PTPRQ: variants seen among roughly 807,000 people sequenced by gnomAD.
PTPRQ encodes the protein protein tyrosine phosphatase receptor type Q, also known as phosphatidylinositol phosphatase PTPRQ.
In PTPRQ, 199 loss-of-function variants were observed where a neutral mutation model predicts 246.0. That is an observed-to-expected ratio of 0.81 (90% CI 0.72 to 0.91). The LOEUF (loss-of-function observed/expected upper bound fraction) is 0.91, where lower values mean the gene tolerates loss of function less well. Ranked by LOEUF, PTPRQ falls within the 40% of genes least tolerant of loss-of-function variation. The pLI is 0.00. For synonymous variants in PTPRQ, 869 were observed against 853.2 expected, an observed-to-expected ratio of 1.02 and a Z score of -0.32; for missense variants, 2,624 against 2,528.4, an observed-to-expected ratio of 1.04 and a Z score of -0.81.
At position 80,570,203 on chromosome 12, in the gene PTPRQ, T is replaced by C. The variant is rs1214365282; in HGVS notation, c.4286-17926T>C. The stretch of plus-strand genomic sequence containing the variant: ...AACTAATTTACACTCCTACGAACAG[T>C]ATAAAAGTGTTCCTGTTTCTCCACA... On this transcript the variant is annotated intron_variant, in intron 25 of 44. Transcript: ENST00000644991. Among the ~76,000 whole-genome samples the C allele has an allele frequency of 2.6e-5, 4 of 152,232 alleles. No homozygotes were observed. The East Asian group carries it at 7.7e-4, about 29-fold the overall frequency.
chr12:80,475,175 TA>T (rs1893771376), intron 8 of PTPRQ, among the ~76,000 whole-genome samples: 2 of 152,268 alleles, frequency 1.3e-5, no homozygotes, highest in Middle Eastern at 6.8e-3. Context: ...TATATTTTAA[TA>T]AATCATATGC....
Position 80,678,678 on chromosome 12 carries a change from T to C in PTPRQ, c.6815T>C (p.Val2272Ala). 2 of 1,550,472 alleles carry C rather than the reference T, an allele frequency of 1.3e-6. No homozygotes were observed. Among genetic ancestry groups the C allele is most frequent in the South Asian group, 1.2e-5 (1 of 83,938 alleles). Residue 2272 changes from valine to alanine, a missense_variant, in exon 44 of 45, where the codon GTT becomes GCT. Coordinates refer to ENST00000644991, the MANE Select transcript of PTPRQ (RefSeq NM_001145026.2). ...GGAAGTAATCAGCCCATCTGTTTTG[T>C]TAACTATTCAGCACTTCAGAAGATG... Reference protein sequence around the residue: ...NKGSNQPICFVNYSALQKMDS... With the variant: ...NKGSNQPICFANYSALQKMDS...
chr12:80,558,205 T>C (rs1387875471), intron 25 of PTPRQ, among the ~76,000 whole-genome samples: 1 of 149,968 alleles, frequency 6.7e-6, no homozygotes, highest in Non-Finnish European at 1.5e-5. Context: ...TCTTGCTTTG[T>C]CATCCAGTCT....
At chr12:80,606,639 C>A (rs1436943378) in intron 27 of PTPRQ, among the ~76,000 whole-genome samples, 1 of 150,882 alleles carries the variant, frequency 6.6e-6, no homozygotes, top group Non-Finnish European at 1.5e-5. Context: ...TGTCTCTTGA[C>A]CAACTTTATA....
chr12:80,579,095 C>T (rs1897358083), intron 25 of PTPRQ, among the ~76,000 whole-genome samples: 1 of 152,082 alleles, frequency 6.6e-6, no homozygotes, highest in South Asian at 2.1e-4. Flanking sequence ...TATTTTTAAC[C>T]TACCAGATCA....
At chr12:80,504,252 C>G (rs185383655) in intron 14 of PTPRQ, among the ~76,000 whole-genome samples, 45 of 151,848 alleles carry the variant, frequency 3.0e-4, no homozygotes, top group Non-Finnish European at 4.4e-4. Flanking sequence ...ATCCTTTTCA[C>G]TAAAGTTCTC....
intron 25 of PTPRQ, among the ~76,000 whole-genome samples, chr12:80,567,550 G>A (rs560819476): frequency 2.4e-4 from 37 of 152,222 alleles, no homozygotes; most frequent in African/African-American, 8.7e-4. Flanking sequence ...ACATAGATTA[G>A]TTTCACTTGT....
At position 80,495,996 on chromosome 12, in the gene PTPRQ, T is replaced by A. The variant is rs1035386569; in HGVS notation, c.1883-3T>A. On this transcript the variant is annotated splice_region_variant and splice_polypyrimidine_tract_variant and intron_variant, in intron 12 of 44. Transcript: ENST00000644991. ...TTAAACAGTTTGTCTCTTGTCCTTA[T>A]AGGGTTAAAGAAATACACAAAATAC... is the stretch of plus-strand genomic sequence containing the variant. 1.9e-5 allele frequency: 29 copies of A among 1,548,372 alleles called. No homozygotes were observed. Among genetic ancestry groups the A allele is most frequent in the Non-Finnish European group, 2.5e-5 (29 of 1,145,680 alleles).
chr12:80,628,069 T>A (rs1175718115), intron 33 of PTPRQ, among the ~76,000 whole-genome samples: 1 of 152,138 alleles, frequency 6.6e-6, no homozygotes. Flanking sequence ...CCCACTGAGT[T>A]CTAAGGCCCA....
rs1029816327 is a variant in PTPRQ, at chr12:80,588,133, C to T, written c.4290C>T (p.Pro1430=). 13 of 1,519,172 alleles carry T rather than the reference C, an allele frequency of 8.6e-6. No homozygotes were observed. The African/African-American group carries it at 9.8e-5, about 11-fold the overall frequency. 94.1% of individuals were successfully genotyped at this position (1,519,172 alleles called of 1,614,324 possible). The change falls in exon 26 of 45, where the codon CCC becomes CCT. Residue 1430 remains proline (P), a synonymous_variant. Transcript: ENST00000644991. ...ATTTTTCCCTTTAATTTTTAGTTCC[C>T]AGTGTTCCCACAAATATTGCTTTTT... ...CHVSTLPETV[P]SVPTNIAFSD...
intron 20 of PTPRQ, among the ~76,000 whole-genome samples, chr12:80,540,819 C>T (rs11114499): frequency 0.55 from 83,091 of 151,994 alleles, 27,394 homozygotes; most frequent in Non-Finnish European, 0.72. Context: ...CCATTTCAGG[C>T]ATTCTTTAAA....
At chr12:80,647,196 T>C (rs1900104848) in intron 35 of PTPRQ, among the ~76,000 whole-genome samples, 1 of 152,208 alleles carries the variant, frequency 6.6e-6, no homozygotes, top group South Asian at 2.1e-4. Context: ...GGTGGACTAC[T>C]AGCCTGTCAC....
Position 80,648,933 on chromosome 12 carries a change from T to C in PTPRQ, c.5942+10T>C. The C allele has an allele frequency of 1.3e-6, 2 of 1,504,200 alleles. No individual in the cohort carries two copies. The highest frequency in any genetic ancestry group is 2.7e-5 in the East Asian group (1 of 37,656). The allele number at this position is 1,504,200 out of a possible 1,614,324, so 93.2% of individuals were successfully genotyped here. On this transcript the variant is annotated intron_variant, in intron 36 of 44. Coordinates refer to ENST00000644991, the MANE Select transcript of PTPRQ (RefSeq NM_001145026.2). ...ATAGAAAATCCATCAAGTAAGTTTG[T>C]TAAATATTTTCTTTCTTCTTTTTGA...
At chr12:80,631,131 T>A (rs1023414488) in intron 33 of PTPRQ, among the ~76,000 whole-genome samples, 60 of 152,334 alleles carry the variant, frequency 3.9e-4, no homozygotes, top group African/African-American at 1.3e-3. Flanking sequence ...AAAATGTAGT[T>A]CAGATAAGAA....
At chr12:80,576,440 G>A (rs889204829) in intron 25 of PTPRQ, among the ~76,000 whole-genome samples, 3 of 151,480 alleles carry the variant, frequency 2.0e-5, no homozygotes, top group East Asian at 1.9e-4. Flanking sequence ...CATGCCTGGC[G>A]AGCCAGTTTT....
Position 80,534,129 on chromosome 12 carries a change from T to C in PTPRQ, c.2793T>C (p.Asp931=), listed in dbSNP as rs908990218. ...TAACAGCTAGCACCAGATTTGGTGA[T>C]GGGAAAACAAGAAGCAATATCATTA... is the stretch of plus-strand genomic sequence containing the variant. ...AYVTASTRFG[D]GKTRSNIISF... is the part of the protein sequence containing the mutation. The change falls in exon 18 of 45, where the codon GAT becomes GAC. Residue 931 remains aspartate (D), a synonymous_variant. Coordinates refer to ENST00000644991, the MANE Select transcript of PTPRQ (RefSeq NM_001145026.2). 1 of 1,542,398 alleles carries C rather than the reference T, an allele frequency of 6.5e-7. No homozygotes were observed. The highest frequency in any genetic ancestry group is 8.7e-7 in the Non-Finnish European group (1 of 1,142,870).
intron 23 of PTPRQ, among the ~76,000 whole-genome samples, chr12:80,544,035 T>C (rs1896231885): frequency 6.6e-6 from 1 of 152,106 alleles, no homozygotes; most frequent in Non-Finnish European, 1.5e-5. Flanking sequence ...TAGAGTGTGG[T>C]TGTCTATATA....
rs139081746 is a variant in PTPRQ, at chr12:80,601,514, G to A, written c.4610-3545G>A. Among the ~76,000 whole-genome samples the A allele has an allele frequency of 5.3e-5, 8 of 151,838 alleles. No individual in the cohort carries two copies. In the East Asian group the frequency reaches 1.6e-3, roughly 30 times the overall value. ...ATGAATGCATAAATTTATTCTCAAG[G>A]CCAACTAAACATTTGGTTATAATAA... On this transcript the variant is annotated intron_variant, in intron 26 of 44. Transcript: ENST00000644991.
rs1565851296 is a variant in PTPRQ, at chr12:80,669,475, A to G, written c.6453+11A>G. 6.5e-7 allele frequency: 1 copy of G among 1,537,100 alleles called. No individual in the cohort carries two copies. Among genetic ancestry groups the G allele is most frequent in the South Asian group, 1.2e-5 (1 of 80,510 alleles). On this transcript the variant is annotated intron_variant, in intron 41 of 44. Coordinates refer to ENST00000644991, the MANE Select transcript of PTPRQ (RefSeq NM_001145026.2). ...CTGAAAATTGAAAGGGTAAAAAAAAAAGGGGGGGACGAGAGAACATGATAT... is the reference window on the plus strand; with the variant it reads ...CTGAAAATTGAAAGGGTAAAAAAAAGAGGGGGGGACGAGAGAACATGATAT...
Sources: allele counts gnomAD v4.1 joint callset (sites outside exome capture counted in the v4.1 genomes callset), GRCh38; gene constraint gnomAD v4.1.1; transcripts MANE v1.5; gene names NCBI Gene and HGNC (gene_info 2026-07-23, HGNC 2026-07-21).